The following CADPS2 variants were observed in gnomAD, a reference collection of about 807,000 sequenced individuals.
CADPS2 encodes calcium dependent secretion activator 2.
A neutral mutation model predicts 172.5 loss-of-function variants in CADPS2; 93 were observed. The ratio of observed to expected loss-of-function variants is 0.54; its 90% CI spans 0.46 to 0.64. The LOEUF (loss-of-function observed/expected upper bound fraction) is 0.64, where lower values mean the gene tolerates loss of function less well. CADPS2 is among the 30% of genes least tolerant of loss of function. The pLI is 0.00. For missense variants in CADPS2, 1,420 were observed against 1,565.9 expected, an observed-to-expected ratio of 0.91 and a Z score of 1.57; for synonymous variants, 546 against 555.2, an observed-to-expected ratio of 0.98 and a Z score of 0.23.
At chr7:122,457,756 T>C (rs1020275002) in intron 14 of CADPS2, among the ~76,000 whole-genome samples, 4 of 152,206 alleles carry the variant, frequency 2.6e-5, no homozygotes, top group African/African-American at 9.7e-5. Context: ...CAATCACTTT[T>C]ATCACCTGCA....
intron 1 of CADPS2, among the ~76,000 whole-genome samples, chr7:122,828,415 T>A (rs939492574): frequency 1.3e-5 from 2 of 152,076 alleles, no homozygotes; most frequent in African/African-American, 4.8e-5. Context: ...AGATAATTAT[T>A]GAGATGTTCA....
At chr7:122,586,973 A>G (rs572652962) in intron 6 of CADPS2, among the ~76,000 whole-genome samples, 1 of 152,130 alleles carries the variant, frequency 6.6e-6, no homozygotes, top group South Asian at 2.1e-4. Context: ...TCAAATAAAA[A>G]TGACATATAT....
At chr7:122,516,910 G>A (rs572346239) in intron 8 of CADPS2, among the ~76,000 whole-genome samples, 1 of 151,658 alleles carries the variant, frequency 6.6e-6, no homozygotes, top group East Asian at 1.9e-4. Context: ...TAGTTTATTG[G>A]TATAGTTTAC....
intron 7 of CADPS2, among the ~76,000 whole-genome samples, chr7:122,559,095 A>G (rs901902314): frequency 1.5e-4 from 23 of 152,182 alleles, no homozygotes; most frequent in African/African-American, 2.4e-4. Context: ...ATTCTAGCTC[A>G]AAGATGAGTG....
At chr7:122,869,266 T>C (rs888236849) in intron 1 of CADPS2, among the ~76,000 whole-genome samples, 20 of 152,084 alleles carry the variant, frequency 1.3e-4, no homozygotes, top group Non-Finnish European at 2.1e-4. Flanking sequence ...ATCAAATTGT[T>C]ATAAATAAGT....
At chr7:122,784,949 TTTTCA>T (rs1485202170) in intron 1 of CADPS2, among the ~76,000 whole-genome samples, 26 of 152,196 alleles carry the variant, frequency 1.7e-4, no homozygotes, top group Admixed American at 1.7e-3. Context: ...ACATCAATTA[TTTTCA>T]TTTCAGGTCC....
chr7:122,535,510 C>A (rs937070989), intron 8 of CADPS2, among the ~76,000 whole-genome samples: 1 of 151,850 alleles, frequency 6.6e-6, no homozygotes, highest in African/African-American at 2.4e-5. Flanking sequence ...TAATAGTATA[C>A]CAGATAATAA....
At chr7:122,364,413 T>TAAAA (rs916412439) in intron 25 of CADPS2, among the ~76,000 whole-genome samples, 34 of 77,892 alleles carry the variant, frequency 4.4e-4, no homozygotes, top group Admixed American at 1.1e-3. Context: ...TGTCTCAAGT[T>TAAAA]AAAAAAAAAA....
Position 122,438,440 on chromosome 7 carries a change from G to A in CADPS2, c.2377C>T (p.Pro793Ser), listed in dbSNP as rs1479525059. 2 of 1,612,954 alleles carry A rather than the reference G, an allele frequency of 1.2e-6. No individual in the cohort carries two copies. Among genetic ancestry groups the A allele is most frequent in the Non-Finnish European group, 1.7e-6 (2 of 1,179,320 alleles). The change falls in exon 17 of 30, where the codon CCC becomes TCC. Residue 793 changes from proline (P) to serine (S), a missense_variant. Transcript: ENST00000449022. ...ERVLMKDIATPIPAEEVKKVV... is the reference protein window; with the variant it reads ...ERVLMKDIATSIPAEEVKKVV... ...TTCTTCACCTCTTCTGCTGGTATGG[G>A]AGTGGCAATATCTTTCATTAAAACC... is the stretch of plus-strand genomic sequence containing the variant.
At chr7:122,325,721 G>A in intron 28 of CADPS2, 140 bp from the exon 29 acceptor site, 1 of 591,000 alleles carries the variant, frequency 1.7e-6, no homozygotes, top group Non-Finnish European at 3.1e-6. Flanking sequence ...AGTCAATAAT[G>A]CTATAATTTC....
Position 122,320,159 on chromosome 7 carries a change from G to A in CADPS2, c.*6C>T. 1 of 1,590,244 alleles carries A rather than the reference G, an allele frequency of 6.3e-7. No homozygotes were observed. ...GTCTTCCTTCCTTCTGCAAAGCTGT[G>A]TGATATCAGCCTTCTTCTTCTTCGT... On this transcript the variant is annotated 3_prime_UTR_variant, in exon 30 of 30. Transcript: ENST00000449022.
intron 25 of CADPS2, among the ~76,000 whole-genome samples, chr7:122,369,394 G>A (rs2041469823): frequency 6.6e-6 from 1 of 152,042 alleles, no homozygotes; most frequent in Non-Finnish European, 1.5e-5. Context: ...GCCTCCCAAA[G>A]TGCTGGGATT....
At chr7:122,853,519 A>G (rs948236959) in intron 1 of CADPS2, among the ~76,000 whole-genome samples, 3 of 152,202 alleles carry the variant, frequency 2.0e-5, no homozygotes, top group African/African-American at 7.2e-5. Flanking sequence ...TGGAATATAT[A>G]ACAGATCCCT....
intron 1 of CADPS2, among the ~76,000 whole-genome samples, chr7:122,830,039 A>C (rs1189503168): frequency 6.6e-6 from 1 of 151,798 alleles, no homozygotes; most frequent in East Asian, 1.9e-4. Context: ...AAAACAGTAC[A>C]AGTAGGGACC....
At chr7:122,851,950 T>C (rs949203361) in intron 1 of CADPS2, among the ~76,000 whole-genome samples, 5 of 152,176 alleles carry the variant, frequency 3.3e-5, no homozygotes, top group African/African-American at 1.2e-4. Flanking sequence ...AATGTAATAC[T>C]CATAGCCACA....
chr7:122,726,194 A>C (rs1274674201), intron 2 of CADPS2, among the ~76,000 whole-genome samples: 1 of 152,038 alleles, frequency 6.6e-6, no homozygotes, highest in Non-Finnish European at 1.5e-5. Context: ...AATATTCTTG[A>C]CAACTGTAAG....
chr7:122,481,927 G>A (rs959832083), intron 11 of CADPS2, among the ~76,000 whole-genome samples: 1 of 152,118 alleles, frequency 6.6e-6, no homozygotes, highest in Non-Finnish European at 1.5e-5. Flanking sequence ...GGCTACTTGG[G>A]AGGCTGAGGC....
At position 122,663,599 on chromosome 7, in the gene CADPS2, A is replaced by G. The variant is rs981513413; in HGVS notation, c.454-30T>C. On this transcript the variant is annotated intron_variant, in intron 2 of 29. Transcript: ENST00000449022. The stretch of plus-strand genomic sequence containing the variant: ...AAACAAAACAAAACAAAACAAAACA[A>G]AAAACAATTACAATTAGGTGTAGAT... 8 of 1,503,358 alleles carry G rather than the reference A, an allele frequency of 5.3e-6. No homozygotes were observed. The African/African-American group carries it at 1.1e-4, about 21-fold the overall frequency. 93.1% of individuals were successfully genotyped at this position (1,503,358 alleles called of 1,614,324 possible).
intron 6 of CADPS2, among the ~76,000 whole-genome samples, chr7:122,600,796 G>A (rs2072645803): frequency 6.6e-6 from 1 of 151,988 alleles, no homozygotes; most frequent in Non-Finnish European, 1.5e-5. Context: ...CCCAGATATT[G>A]GTTCAGTGGC....
Sources: allele counts gnomAD v4.1 joint callset (sites outside exome capture counted in the v4.1 genomes callset), GRCh38; gene constraint gnomAD v4.1.1; transcripts MANE v1.5; gene names NCBI Gene and HGNC (gene_info 2026-07-23, HGNC 2026-07-21).